The following DLG2 variants were observed in gnomAD, a reference collection of about 807,000 sequenced individuals.
DLG2 encodes discs large MAGUK scaffold protein 2, also known as disks large homolog 2.
Under a neutral mutation model 132.5 loss-of-function variants are expected in DLG2, and 45 were observed. The ratio of observed to expected loss-of-function variants is 0.34; its 90% CI spans 0.27 to 0.44. The LOEUF is 0.44. Ranked by LOEUF, DLG2 falls within the 20% of genes least tolerant of loss-of-function variation. DLG2 has a pLI of 1.00. For missense variants in DLG2, 1,045 were observed against 1,196.9 expected (o/e 0.87, Z 1.87); for synonymous variants, 424 against 419.6 (o/e 1.01, Z -0.13).
intron 9 of DLG2, among the ~76,000 whole-genome samples, chr11:84,115,266 C>G (rs896806957): frequency 6.6e-6 from 1 of 152,184 alleles, no homozygotes; most frequent in African/African-American, 2.4e-5. Flanking sequence ...GGTATTCAAA[C>G]AATTCTAACT....
chr11:84,862,014 C>T (rs1278723178), intron 6 of DLG2, among the ~76,000 whole-genome samples: 2 of 122,828 alleles, frequency 1.6e-5, no homozygotes, highest in Non-Finnish European at 1.6e-5. Context: ...GGAAAGGGAA[C>T]ATCACACTCT....
chr11:84,168,307 G>A (rs959613873), intron 8 of DLG2, among the ~76,000 whole-genome samples: 1 of 152,160 alleles, frequency 6.6e-6, no homozygotes, highest in Non-Finnish European at 1.5e-5. Context: ...ACTCTTTGTC[G>A]TTTACATAGA....
intron 6 of DLG2, among the ~76,000 whole-genome samples, chr11:84,765,070 T>C (rs1035041583): frequency 2.0e-5 from 3 of 152,142 alleles, no homozygotes; most frequent in Non-Finnish European, 4.4e-5. Context: ...TTCATATTAT[T>C]TATTGTATAT....
intron 20 of DLG2, among the ~76,000 whole-genome samples, chr11:83,540,709 T>C (rs1372479257): frequency 6.6e-6 from 1 of 152,236 alleles, no homozygotes; most frequent in Non-Finnish European, 1.5e-5. Flanking sequence ...AGCACTTGAA[T>C]GCCCAGCTTC....
At chr11:84,507,288 T>C (rs2099244099) in intron 7 of DLG2, among the ~76,000 whole-genome samples, 1 of 152,208 alleles carries the variant, frequency 6.6e-6, no homozygotes, top group African/African-American at 2.4e-5. Flanking sequence ...CAGTTCAGCA[T>C]GGTAAATGCT....
chr11:84,515,736 A>G (rs1398207269), intron 7 of DLG2, among the ~76,000 whole-genome samples: 1 of 151,892 alleles, frequency 6.6e-6, no homozygotes, highest in Non-Finnish European at 1.5e-5. Flanking sequence ...GATCAAATGG[A>G]CCTAAAAGAC....
At chr11:85,226,823 T>G (rs1006653683) in intron 4 of DLG2, among the ~76,000 whole-genome samples, 6 of 152,194 alleles carry the variant, frequency 3.9e-5, no homozygotes, top group African/African-American at 1.4e-4. Flanking sequence ...ACCCTATCCC[T>G]GCTCTTTTAG....
chr11:84,463,800 G>A (rs972766809), intron 7 of DLG2, among the ~76,000 whole-genome samples: 22 of 151,172 alleles, frequency 1.5e-4, no homozygotes, highest in African/African-American at 4.8e-4. Flanking sequence ...GAACACACCC[G>A]TGGGTTTTCA....
chr11:83,929,152 G>T (rs1417672770), intron 15 of DLG2, among the ~76,000 whole-genome samples: 2 of 152,146 alleles, frequency 1.3e-5, no homozygotes, highest in Non-Finnish European at 2.9e-5. Context: ...AATGTTAGAT[G>T]TAATTTAAAA....
At chr11:84,705,392 C>A (rs778708572) in intron 6 of DLG2, among the ~76,000 whole-genome samples, 5 of 151,690 alleles carry the variant, frequency 3.3e-5, no homozygotes, top group Non-Finnish European at 5.9e-5. Flanking sequence ...CAGGACCAAC[C>A]CTTCTTACCA....
intron 7 of DLG2, among the ~76,000 whole-genome samples, chr11:84,482,676 C>A (rs906075462): frequency 6.6e-6 from 1 of 152,174 alleles, no homozygotes; most frequent in Non-Finnish European, 1.5e-5. Flanking sequence ...TTCCAAACAA[C>A]AGCACACTGC....
intron 6 of DLG2, among the ~76,000 whole-genome samples, chr11:84,795,653 A>T (rs1206495807): frequency 6.6e-6 from 1 of 152,162 alleles, no homozygotes; most frequent in Admixed American, 6.5e-5. Flanking sequence ...GCTGAAACAC[A>T]TCCTTTGCCT....
intron 22 of DLG2, among the ~76,000 whole-genome samples, chr11:83,478,386 A>G (rs1211826089): frequency 6.6e-6 from 1 of 152,070 alleles, no homozygotes; most frequent in Non-Finnish European, 1.5e-5. Context: ...ATGTCATAGA[A>G]TCCAGTTCCA....
chr11:84,952,960 G>A (rs2051158681), intron 6 of DLG2, among the ~76,000 whole-genome samples: 1 of 152,162 alleles, frequency 6.6e-6, no homozygotes, highest in Admixed American at 6.5e-5. Flanking sequence ...GTTTCTCAAA[G>A]TGCTTTCAGC....
chr11:84,925,982 A>T (rs544208497), intron 6 of DLG2, among the ~76,000 whole-genome samples: 42 of 152,254 alleles, frequency 2.8e-4, no homozygotes, highest in African/African-American at 9.9e-4. Context: ...AAAATATAAA[A>T]CTTCTCCTTG....
At chr11:85,182,891 T>G (rs907051857) in intron 4 of DLG2, among the ~76,000 whole-genome samples, 1 of 150,106 alleles carries the variant, frequency 6.7e-6, no homozygotes, top group Non-Finnish European at 1.5e-5. Context: ...ATGACTCCAT[T>G]GTTCCAGCAG....
At chr11:83,536,743 A>C (rs2095887424) in intron 20 of DLG2, among the ~76,000 whole-genome samples, 1 of 152,188 alleles carries the variant, frequency 6.6e-6, no homozygotes, top group Non-Finnish European at 1.5e-5. Context: ...TTGTTGAATG[A>C]GTAAATAAAT....
intron 10 of DLG2, among the ~76,000 whole-genome samples, chr11:84,087,977 G>T (rs1245582083): frequency 6.6e-6 from 1 of 152,126 alleles, no homozygotes; most frequent in Non-Finnish European, 1.5e-5. Context: ...TTTAAATTGG[G>T]TTATCTTCTT....
At chr11:84,710,634 G>A (rs150985263) in intron 6 of DLG2, among the ~76,000 whole-genome samples, 1 of 151,710 alleles carries the variant, frequency 6.6e-6, no homozygotes, top group Non-Finnish European at 1.5e-5. Context: ...TGGATATTAA[G>A]GCTGTTACAG....
Sources: gnomAD v4.1 joint callset for allele counts (sites outside exome capture counted in the v4.1 genomes callset) on GRCh38, gnomAD v4.1.1 for gene constraint, MANE v1.5 for transcripts, NCBI Gene and HGNC (gene_info 2026-07-23, HGNC 2026-07-21) for gene names.